Variants in GRIK2 observed in about 807,000 individuals in gnomAD.
GRIK2 encodes the protein glutamate ionotropic receptor kainate type subunit 2, also known as glutamate receptor ionotropic, kainate 2.
GRIK2 carries 32 observed loss-of-function variants against 100.3 expected under a neutral mutation model. That is an observed-to-expected ratio of 0.32 (90% CI 0.24 to 0.43). The LOEUF (loss-of-function observed/expected upper bound fraction) is 0.43, where lower values mean the gene tolerates loss of function less well. Ranked by LOEUF, GRIK2 falls within the 20% of genes least tolerant of loss-of-function variation. The pLI is 1.00. For synonymous variants in GRIK2, 417 were observed against 389.4 expected (o/e 1.07, Z -0.83); for missense variants, 843 against 1,114.9 (o/e 0.76, Z 3.47).
chr6:101,953,760 A>C (rs1010331463), intron 14 of GRIK2, among the ~76,000 whole-genome samples: 4 of 152,068 alleles, frequency 2.6e-5, no homozygotes, highest in African/African-American at 9.7e-5. Flanking sequence ...TTTACTATTA[A>C]TGACATTTAT....
rs1372877049 is a variant in GRIK2 at position 101,543,114 on chromosome 6, A to G, written c.116-78835A>G. On this transcript the variant is annotated intron_variant, in intron 2 of 16. Coordinates refer to ENST00000369134, the MANE Select transcript of GRIK2 (RefSeq NM_021956.5). ...TAAAAAACAAGCAAACAAAAAAAGG[A>G]CAAACCCAGAAAATGATGGATGTCC... 3.9e-5 allele frequency among the ~76,000 whole-genome samples: 6 copies of G among 152,200 alleles called. No individual in the cohort carries two copies. In the East Asian group the frequency reaches 1.2e-3, roughly 29 times the overall value.
chr6:102,046,332 C>T (rs755987985), intron 15 of GRIK2, among the ~76,000 whole-genome samples: 1 of 152,054 alleles, frequency 6.6e-6, no homozygotes, highest in Non-Finnish European at 1.5e-5. Flanking sequence ...TTGTTTTGCT[C>T]TGTCCCCACC....
chr6:101,665,276 C>T (rs1224330676), intron 4 of GRIK2, among the ~76,000 whole-genome samples: 2 of 152,116 alleles, frequency 1.3e-5, no homozygotes, highest in Non-Finnish European at 2.9e-5. Context: ...GAACCTGAAA[C>T]TTCTGGTTAT....
At chr6:101,824,180 C>T (rs116768388) in intron 10 of GRIK2, among the ~76,000 whole-genome samples, 3,573 of 151,994 alleles carry the variant, frequency 0.024, 153 homozygotes, top group African/African-American at 0.081. Context: ...CCACCATGCC[C>T]GGCCATGAGT....
intron 14 of GRIK2, among the ~76,000 whole-genome samples, chr6:101,941,483 T>G (rs749842663): frequency 1.5e-4 from 23 of 152,128 alleles, no homozygotes; most frequent in Non-Finnish European, 2.6e-4. Flanking sequence ...ACAAACTGAA[T>G]TTGATATGCA....
intron 7 of GRIK2, among the ~76,000 whole-genome samples, chr6:101,753,339 A>C (rs1482526590): frequency 6.6e-6 from 1 of 151,828 alleles, no homozygotes; most frequent in Admixed American, 6.6e-5. Context: ...CTTCCAAAAC[A>C]CTTTTGCTGC....
intron 10 of GRIK2, among the ~76,000 whole-genome samples, chr6:101,827,085 CTT>C (rs1782383215): frequency 6.6e-6 from 1 of 151,868 alleles, no homozygotes; most frequent in Non-Finnish European, 1.5e-5. Context: ...AAAACAGAAA[CTT>C]TTCTTAGAAT....
At chr6:101,572,360 T>A (rs560388451) in intron 2 of GRIK2, among the ~76,000 whole-genome samples, 1 of 152,238 alleles carries the variant, frequency 6.6e-6, no homozygotes, top group Admixed American at 6.5e-5. Flanking sequence ...TCTCCCATCA[T>A]AATTATTTCT....
chr6:101,489,052 G>C (rs964712522), intron 2 of GRIK2, among the ~76,000 whole-genome samples: 1 of 146,292 alleles, frequency 6.8e-6, no homozygotes, highest in East Asian at 1.9e-4. Context: ...ATTTTAAAAT[G>C]TTACTCTTTT....
chr6:101,625,829 T>A (rs1297947731), intron 3 of GRIK2, among the ~76,000 whole-genome samples: 2 of 152,212 alleles, frequency 1.3e-5, no homozygotes, highest in African/African-American at 4.8e-5. Context: ...CTACTCAGTG[T>A]GACTGATCCA....
intron 2 of GRIK2, among the ~76,000 whole-genome samples, chr6:101,616,149 T>G (rs2128314740): frequency 6.6e-6 from 1 of 151,924 alleles, no homozygotes; most frequent in South Asian, 2.1e-4. Flanking sequence ...TTCCTATTGG[T>G]TCTTTCCCTC....
chr6:101,548,273 C>G (rs1222153159), intron 2 of GRIK2, among the ~76,000 whole-genome samples: 4 of 152,140 alleles, frequency 2.6e-5, no homozygotes, highest in Non-Finnish European at 5.9e-5. Flanking sequence ...TGTAGGTTGC[C>G]TGTTCACTCT....
In GRIK2 at chr6:101,821,448, C is replaced by A. The variant is rs557051639; in HGVS notation, c.1317+2965C>A. On this transcript the variant is annotated intron_variant, in intron 10 of 16. Coordinates refer to ENST00000369134, the MANE Select transcript of GRIK2 (RefSeq NM_021956.5). ...ATTTTTTTAATTTTCACAGGTAACA[C>A]AAATCTATAACCATGATTAAGAACT... Among the ~76,000 whole-genome samples, 10 of 152,104 alleles carry A rather than the reference C, an allele frequency of 6.6e-5. No individual in the cohort carries two copies. The East Asian group carries it at 1.9e-3, about 29-fold the overall frequency.
chr6:101,856,431 C>G (rs937924271), intron 10 of GRIK2, among the ~76,000 whole-genome samples: 2 of 152,172 alleles, frequency 1.3e-5, no homozygotes, highest in Admixed American at 6.5e-5. Flanking sequence ...ATACGTGTGC[C>G]TAAGACTTGC....
chr6:101,619,877 C>G (rs1411053096), intron 2 of GRIK2, among the ~76,000 whole-genome samples: 1 of 152,098 alleles, frequency 6.6e-6, no homozygotes, highest in Non-Finnish European at 1.5e-5. Context: ...GCAGATTCTA[C>G]TAGTGGCTCT....
chr6:101,951,425 G>A (rs1407614794), intron 14 of GRIK2, among the ~76,000 whole-genome samples: 4 of 152,138 alleles, frequency 2.6e-5, no homozygotes, highest in African/African-American at 9.7e-5. Context: ...ATGGCTTTTG[G>A]TATAATGCAC....
chr6:101,540,215 A>C (rs1486502112), intron 2 of GRIK2, among the ~76,000 whole-genome samples: 1 of 151,902 alleles, frequency 6.6e-6, no homozygotes, highest in Non-Finnish European at 1.5e-5. Context: ...ACTTTGGTGC[A>C]TATAAAAAGA....
chr6:101,984,244 T>C (rs368410684), intron 14 of GRIK2, among the ~76,000 whole-genome samples: 216 of 151,834 alleles, frequency 1.4e-3, no homozygotes, highest in Non-Finnish European at 2.5e-3. Flanking sequence ...TGGCCCATGT[T>C]CAATTTAAAT....
At chr6:101,405,748 C>T (rs185036690) in intron 2 of GRIK2, among the ~76,000 whole-genome samples, 1 of 152,078 alleles carries the variant, frequency 6.6e-6, no homozygotes, top group East Asian at 1.9e-4. Context: ...ACAATCAGTC[C>T]CAAGGTGAAA....
Sources: allele counts gnomAD v4.1 joint callset (sites outside exome capture counted in the v4.1 genomes callset), GRCh38; gene constraint gnomAD v4.1.1; transcripts MANE v1.5; gene names NCBI Gene and HGNC (gene_info 2026-07-23, HGNC 2026-07-21).